The following BRINP1 variants were observed in gnomAD, a reference collection of about 807,000 sequenced individuals.
BRINP1 encodes the protein BMP/retinoic acid-inducible neural-specific protein 1.
Under a neutral mutation model 72.9 loss-of-function variants are expected in BRINP1, and 17 were observed. That is an observed-to-expected ratio of 0.23 (90% CI 0.16 to 0.35). The LOEUF is 0.35. Among genes scored for constraint, BRINP1 ranks in the 10% least tolerant of loss-of-function variants. The pLI is 1.00. For missense variants in BRINP1, 850 were observed against 1,001.6 expected (o/e 0.85, Z 2.04); for synonymous variants, 418 against 378.5 (o/e 1.10, Z -1.21).
intron 7 of BRINP1, among the ~76,000 whole-genome samples, chr9:119,181,041 C>T (rs1829551338): frequency 6.6e-6 from 1 of 152,130 alleles, no homozygotes; most frequent in African/African-American, 2.4e-5. Flanking sequence ...AAGGAGGTGA[C>T]AGGCAACATC....
intron 2 of BRINP1, among the ~76,000 whole-genome samples, chr9:119,288,350 AT>A (rs35064695): frequency 5.9e-5 from 9 of 151,960 alleles, no homozygotes; most frequent in East Asian, 1.9e-4. Context: ...TTCTTTTTAA[AT>A]TTTTTTTAAC....
intron 5 of BRINP1, among the ~76,000 whole-genome samples, chr9:119,217,170 C>G (rs1276129485): frequency 2.0e-5 from 3 of 152,116 alleles, no homozygotes; most frequent in Non-Finnish European, 4.4e-5. Context: ...GTGCTGAACT[C>G]CTACATGGGC....
chr9:119,332,458 T>C (rs930709657), intron 1 of BRINP1, among the ~76,000 whole-genome samples: 2 of 152,194 alleles, frequency 1.3e-5, no homozygotes, highest in Non-Finnish European at 2.9e-5. Flanking sequence ...CATGTACTTT[T>C]TAGCCCTTCT....
chr9:119,174,853 C>A lies in BRINP1; in HGVS notation c.1146-6629G>T, dbSNP rs867008452. On this transcript the variant is annotated intron_variant, in intron 7 of 7. Coordinates refer to ENST00000265922, the MANE Select transcript of BRINP1 (RefSeq NM_014618.3). The stretch of plus-strand genomic sequence containing the variant: ...GAAATTGGAAATCATCATTCTCAGT[C>A]AACTATCGCAAGAACAAAAAACCAA... 3.9e-3 allele frequency among the ~76,000 whole-genome samples: 583 copies of A among 148,918 alleles called. 7 individuals are homozygous for A. The highest frequency in any genetic ancestry group is 0.012 in the African/African-American group (459 of 39,910).
intron 5 of BRINP1, among the ~76,000 whole-genome samples, chr9:119,233,453 A>G (rs775039520): frequency 8.5e-5 from 13 of 152,338 alleles, no homozygotes; most frequent in Non-Finnish European, 1.8e-4. Context: ...AATCTCTGGC[A>G]TATGAGGAAG....
intron 2 of BRINP1, among the ~76,000 whole-genome samples, chr9:119,286,965 G>T (rs1830767378): frequency 6.6e-6 from 1 of 152,026 alleles, no homozygotes. Flanking sequence ...CACAACATGT[G>T]GTTGGCTGCG....
In BRINP1 at chr9:119,281,252, G is replaced by A. The variant is rs1830708031; in HGVS notation, c.218+31886C>T. Among the ~76,000 whole-genome samples the A allele has an allele frequency of 1.3e-5, 2 of 152,180 alleles. 1 individual carries two copies. Among genetic ancestry groups the A allele is most frequent in the South Asian group, 4.1e-4 (2 of 4,826 alleles). ...CTCTGAATATGGGATATTTTATTCTGTTTTTAAGAGCTCTTCATTTGTCAT... is the reference window on the plus strand; with the variant it reads ...CTCTGAATATGGGATATTTTATTCTATTTTTAAGAGCTCTTCATTTGTCAT... On this transcript the variant is annotated intron_variant, in intron 2 of 7. Coordinates refer to ENST00000265922, the MANE Select transcript of BRINP1 (RefSeq NM_014618.3).
chr9:119,356,976 G>T (rs559618374), intron 1 of BRINP1, among the ~76,000 whole-genome samples: 1 of 152,068 alleles, frequency 6.6e-6, no homozygotes, highest in Non-Finnish European at 1.5e-5. Context: ...TGATAGCATC[G>T]CATTGCTATT....
intron 7 of BRINP1, among the ~76,000 whole-genome samples, chr9:119,190,156 T>C (rs1829667726): frequency 6.6e-6 from 1 of 151,722 alleles, no homozygotes; most frequent in Non-Finnish European, 1.5e-5. Flanking sequence ...TGAAAACCTA[T>C]AGGATGCATC....
rs574384534 is a variant in BRINP1 at position 119,280,364 on chromosome 9, G to A, written c.219-31214C>T. Among the ~76,000 whole-genome samples the A allele has an allele frequency of 3.1e-4, 47 of 151,104 alleles. No individual in the cohort carries two copies. In the East Asian group the frequency reaches 8.6e-3, roughly 28 times the overall value. ...TACCATTCTCCTGCCTCAGTCTCCC[G>A]AGTAGCTGGGACTACAGGCACCCGC... is the stretch of plus-strand genomic sequence containing the variant. On this transcript the variant is annotated intron_variant, in intron 2 of 7. Transcript: ENST00000265922.
intron 1 of BRINP1, among the ~76,000 whole-genome samples, chr9:119,357,255 ATG>A (rs748962199): frequency 7.1e-4 from 106 of 148,734 alleles, no homozygotes; most frequent in Admixed American, 4.7e-3. Flanking sequence ...GTGCACGTGC[ATG>A]TGTGTGTGTG....
chr9:119,333,436 C>A (rs1337985770), intron 1 of BRINP1, among the ~76,000 whole-genome samples: 1 of 143,330 alleles, frequency 7.0e-6, no homozygotes, highest in Non-Finnish European at 1.5e-5. Context: ...GCACTTCAAC[C>A]TGGGTGACAG....
chr9:119,339,923 A>G (rs1403943868), intron 1 of BRINP1, among the ~76,000 whole-genome samples: 1 of 152,088 alleles, frequency 6.6e-6, no homozygotes, highest in African/African-American at 2.4e-5. Context: ...TTCCACTATT[A>G]GGCTACACTC....
intron 5 of BRINP1, among the ~76,000 whole-genome samples, chr9:119,234,057 T>C (rs1436822239): frequency 6.6e-6 from 1 of 152,210 alleles, no homozygotes; most frequent in Non-Finnish European, 1.5e-5. Context: ...TTGATGGACA[T>C]TTGGGTTGTT....
At chr9:119,247,595 C>T (rs537438515) in intron 3 of BRINP1, among the ~76,000 whole-genome samples, 5 of 141,756 alleles carry the variant, frequency 3.5e-5, no homozygotes, top group Non-Finnish European at 6.0e-5. Flanking sequence ...GCGGAGCTTG[C>T]AGTGAGCCGA....
At chr9:119,365,076 T>C (rs1365011783) in intron 1 of BRINP1, among the ~76,000 whole-genome samples, 1 of 152,190 alleles carries the variant, frequency 6.6e-6, no homozygotes, top group Non-Finnish European at 1.5e-5. Context: ...GAGGGTAAGA[T>C]AGACCTATAC....
rs566726942 is a variant in BRINP1, at chr9:119,353,405, A to G, written c.-51+15651T>C. Among the ~76,000 whole-genome samples the G allele has an allele frequency of 1.1e-3, 174 of 152,328 alleles. 1 individual carries two copies. The highest frequency in any genetic ancestry group is 4.8e-3 in the Admixed American group (73 of 15,302). On this transcript the variant is annotated intron_variant, in intron 1 of 7. Transcript: ENST00000265922. ...AATCCTCATAGGAATCCAGTGATAT[A>G]TGAATGATTATCCCCATTTTACAGA...
intron 5 of BRINP1, among the ~76,000 whole-genome samples, chr9:119,216,450 C>T (rs185105791): frequency 1.9e-3 from 292 of 152,298 alleles, no homozygotes; most frequent in Non-Finnish European, 3.5e-3. Context: ...GCATAACACA[C>T]ATACCAAAAC....
At chr9:119,182,723 A>G (rs1829571365) in intron 7 of BRINP1, among the ~76,000 whole-genome samples, 1 of 152,202 alleles carries the variant, frequency 6.6e-6, no homozygotes, top group African/African-American at 2.4e-5. Context: ...TGTGAAAAAT[A>G]AATTCATGCT....
Sources: allele counts gnomAD v4.1 joint callset (sites outside exome capture counted in the v4.1 genomes callset), GRCh38; gene constraint gnomAD v4.1.1; transcripts MANE v1.5; gene names NCBI Gene and HGNC (gene_info 2026-07-23, HGNC 2026-07-21).